TRIP12: variants seen among roughly 807,000 people sequenced by gnomAD.
The protein encoded by TRIP12 is E3 ubiquitin-protein ligase TRIP12.
In TRIP12, 25 loss-of-function variants were observed where a neutral mutation model predicts 244.2. That is an observed-to-expected ratio of 0.10 (90% CI 0.07 to 0.14). TRIP12 has a LOEUF of 0.14. Ranked by LOEUF, TRIP12 falls within the 10% of genes least tolerant of loss-of-function variation. The probability of loss-of-function intolerance (pLI) is 1.00; values close to 1 mark genes in which losing one functional copy is unlikely to be tolerated. For synonymous variants in TRIP12, 905 were observed against 873.1 expected, an observed-to-expected ratio of 1.04 and a Z score of -0.64; for missense variants, 1,677 against 2,486.4, an observed-to-expected ratio of 0.67 and a Z score of 6.92.
chr2:229,795,084 C>T, intron 26 of TRIP12, 95 bp downstream of exon 26: 1 of 1,407,192 alleles, frequency 7.1e-7, no homozygotes, highest in South Asian at 1.5e-5. Flanking sequence ...TTTTCTGGGC[C>T]AATCAAGACT....
Position 229,788,872 on chromosome 2 carries a change from A to G in TRIP12, c.4764T>C (p.Asn1588=), listed in dbSNP as rs778370142. Reference sequence around the variant, plus strand: ...TTACTAAAGGATCTTGAAGTTGCCTATTTGCTTTTGCTGTTAACTTACTGT... The same window carrying G: ...TTACTAAAGGATCTTGAAGTTGCCTGTTTGCTTTTGCTGTTAACTTACTGT... ...FINSKLTAKA[N]RQLQDPLVIM... is the part of the protein sequence containing the mutation. The change falls in exon 32 of 42, where the codon AAT becomes AAC. Residue 1588 remains asparagine (N), a synonymous_variant. Coordinates refer to ENST00000675903, the MANE Select transcript of TRIP12 (RefSeq NM_001348323.3). The G allele has an allele frequency of 2.5e-6, 4 of 1,613,564 alleles. No individual in the cohort carries two copies. The highest frequency in any genetic ancestry group is 1.1e-5 in the South Asian group (1 of 91,066).
Position 229,884,418 on chromosome 2 carries a change from G to A in TRIP12, c.-49-4290C>T, listed in dbSNP as rs139515842. 2.9e-3 allele frequency among the ~76,000 whole-genome samples: 443 copies of A among 151,658 alleles called. 2 individuals are homozygous for A. Among genetic ancestry groups the A allele is most frequent in the African/African-American group, 0.01 (423 of 41,352 alleles). ...TACCCGGCTAATTTTTGTATTTTTA[G>A]TAGAGATGGAGTTTCATCTTGTTGG... On this transcript the variant is annotated intron_variant, in intron 1 of 41. Coordinates refer to ENST00000675903, the MANE Select transcript of TRIP12 (RefSeq NM_001348323.3).
chr2:229,916,346 A>T (rs886571565), intron 1 of TRIP12, among the ~76,000 whole-genome samples: 2 of 152,240 alleles, frequency 1.3e-5, no homozygotes, highest in Non-Finnish European at 2.9e-5. Context: ...GAAAACACAC[A>T]GTAGCAGGTA....
intron 1 of TRIP12, among the ~76,000 whole-genome samples, chr2:229,891,348 C>T (rs930240221): frequency 6.6e-6 from 1 of 152,140 alleles, no homozygotes; most frequent in Admixed American, 6.6e-5. Context: ...CTGCTTGAGC[C>T]TGGGAAGTGA....
At chr2:229,923,008 G>A, upstream of TRIP12, 1 of 174,728 alleles carries the variant, frequency 5.7e-6, no homozygotes, top group East Asian at 1.6e-4. Context: ...GGCTAGGGAG[G>A]GGAAAAGGAG....
At chr2:229,771,729 C>G in intron 38 of TRIP12, 97 bp from the exon 39 acceptor site, 1 of 810,098 alleles carries the variant, frequency 1.2e-6, no homozygotes, top group Non-Finnish European at 2.0e-6. Flanking sequence ...TTCTGGATCA[C>G]TTTATAAAGA....
intron 34 of TRIP12, among the ~76,000 whole-genome samples, chr2:229,784,270 A>C (rs990051369): frequency 6.6e-6 from 1 of 151,678 alleles, no homozygotes; most frequent in Non-Finnish European, 1.5e-5. Flanking sequence ...AGTTTCCCAC[A>C]AAGGGGTCAA....
intron 4 of TRIP12, among the ~76,000 whole-genome samples, chr2:229,852,177 C>T (rs951546105): frequency 1.3e-5 from 2 of 152,176 alleles, no homozygotes; most frequent in African/African-American, 2.4e-5. Context: ...TGCTATGTTA[C>T]TAATAACGTG....
At chr2:229,880,735 G>A (rs1343365969) in intron 1 of TRIP12, among the ~76,000 whole-genome samples, 1 of 152,178 alleles carries the variant, frequency 6.6e-6, no homozygotes, top group Admixed American at 6.5e-5. Flanking sequence ...TCTGAGGTCA[G>A]GAGTTCAACA....
intron 24 of TRIP12, 43 bp downstream of exon 24, chr2:229,797,647 G>C (rs748263756): frequency 1.0e-5 from 16 of 1,602,930 alleles, no homozygotes; most frequent in Non-Finnish European, 1.4e-5. Context: ...GAGATGCTGG[G>C]AAGAGACTGA....
chr2:229,828,242 C>A (rs2052279908), intron 8 of TRIP12, among the ~76,000 whole-genome samples: 1 of 151,776 alleles, frequency 6.6e-6, no homozygotes, highest in African/African-American at 2.4e-5. Flanking sequence ...TAGTGCTAGT[C>A]TACGGTTTAT....
At chr2:229,825,705 G>T (rs1184741983) in intron 8 of TRIP12, among the ~76,000 whole-genome samples, 1 of 152,188 alleles carries the variant, frequency 6.6e-6, no homozygotes, top group Non-Finnish European at 1.5e-5. Context: ...GTCCCTCCCA[G>T]TGGGGATTAT....
At chr2:229,809,054 T>C (rs1015461092) in intron 15 of TRIP12, among the ~76,000 whole-genome samples, 1 of 152,192 alleles carries the variant, frequency 6.6e-6, no homozygotes, top group Non-Finnish European at 1.5e-5. Flanking sequence ...TCTTTGCTGA[T>C]TGTGTGTGTG....
At chr2:229,814,114 A>G in intron 12 of TRIP12, 83 bp from the exon 13 acceptor site, 1 of 1,523,314 alleles carries the variant, frequency 6.6e-7, no homozygotes, top group South Asian at 1.2e-5. Flanking sequence ...AGTCTAGCAC[A>G]TTACTCTGGA....
chr2:229,795,202 A>C lies in TRIP12; in HGVS notation c.3945T>G (p.Pro1315=). The part of the protein sequence containing the change: ...EQFPVKVHDF[P]SGNGTGGSFS... Reference sequence around the variant, plus strand: ...ACCTGCCTCCTGTCCCATTTCCACTAGGGAAATCATGTACTTTGACTGGAA... The same window carrying C: ...ACCTGCCTCCTGTCCCATTTCCACTCGGGAAATCATGTACTTTGACTGGAA... The change falls in exon 26 of 42, where the codon CCT becomes CCG. Residue 1315 remains proline (P), a synonymous_variant. Coordinates refer to ENST00000675903, the MANE Select transcript of TRIP12 (RefSeq NM_001348323.3). 1 of 1,613,982 alleles carries C rather than the reference A, an allele frequency of 6.2e-7. No homozygotes were observed. The highest frequency in any genetic ancestry group is 8.5e-7 in the Non-Finnish European group (1 of 1,179,912).
intron 23 of TRIP12, 65 bp downstream of exon 23, chr2:229,798,810 C>G: frequency 6.4e-7 from 1 of 1,557,110 alleles, no homozygotes; most frequent in South Asian, 1.2e-5. Flanking sequence ...AACGTACTGG[C>G]TGAAATAATG....
chr2:229,775,668 G>C (rs770026538), intron 37 of TRIP12, among the ~76,000 whole-genome samples: 4 of 150,762 alleles, frequency 2.7e-5, no homozygotes, highest in African/African-American at 9.7e-5. Context: ...AGAAACTAAC[G>C]TAAATTCCCT....
intron 37 of TRIP12, among the ~76,000 whole-genome samples, chr2:229,775,088 A>AT (rs1451510356): frequency 6.6e-6 from 1 of 152,208 alleles, no homozygotes; most frequent in Non-Finnish European, 1.5e-5. Context: ...TGAAATTCCT[A>AT]TAGGGTAACA....
chr2:229,792,984 A>G lies in TRIP12; in HGVS notation c.4130T>C (p.Leu1377Pro). Residue 1377 changes from leucine to proline, a missense_variant, in exon 27 of 42, where the codon CTT (leucine) becomes CCT (proline). By Grantham distance (98) the Leu-to-Pro change is moderately conservative (BLOSUM62 -3). This residue lies in a region of TRIP12 where 265 missense variants were observed against 370.8 expected (regional missense o/e 0.71). Coordinates refer to ENST00000675903, the MANE Select transcript of TRIP12 (RefSeq NM_001348323.3). ...TATATGGAAAGTACCTCTAACTACA[A>G]GGTATCTCTCGATGGCTTGTACCAA... Reference protein sequence around the residue: ...LALVQAIERYLVVRGYGRVRE... With the variant: ...LALVQAIERYPVVRGYGRVRE... The G allele has an allele frequency of 6.2e-7, 1 of 1,612,144 alleles. No homozygotes were observed. Among genetic ancestry groups the G allele is most frequent in the Non-Finnish European group, 8.5e-7 (1 of 1,179,310 alleles).
Sources: allele counts gnomAD v4.1 joint callset (sites outside exome capture counted in the v4.1 genomes callset), GRCh38; gene constraint gnomAD v4.1.1; regional missense constraint gnomAD v4.1.1; transcripts MANE v1.5; gene names NCBI Gene and HGNC (gene_info 2026-07-23, HGNC 2026-07-21).